Variants in TBC1D23 observed in about 807,000 individuals in gnomAD.
TBC1D23 encodes the protein TBC1 domain family member 23.
A neutral mutation model predicts 91.4 loss-of-function variants in TBC1D23; 55 were observed. That is an observed-to-expected ratio of 0.60 (90% confidence interval 0.48 to 0.75). The LOEUF (loss-of-function observed/expected upper bound fraction) is 0.75, where lower values mean the gene tolerates loss of function less well. Among genes scored for constraint, TBC1D23 ranks in the 30% least tolerant of loss-of-function variants. The probability of loss-of-function intolerance (pLI) is 0.00; values close to 1 mark genes in which losing one functional copy is unlikely to be tolerated. For missense variants in TBC1D23, 725 were observed against 836.1 expected (o/e 0.87, Z 1.64); for synonymous variants, 289 against 281.0 (o/e 1.03, Z -0.28).
Position 100,298,029 on chromosome 3 carries a change from C to T in TBC1D23, c.983C>T (p.Ala328Val), listed in dbSNP as rs372446939. The change falls in exon 9 of 19, where the codon GCG (alanine) becomes GTG (valine). Residue 328 changes from alanine (A) to valine (V), a missense_variant. Physicochemically the swap from Ala to Val is moderately conservative, Grantham distance 64. Coordinates refer to ENST00000394144, the MANE Select transcript of TBC1D23 (RefSeq NM_001199198.3). Reference sequence around the variant, plus strand: ...ATCTCCGTGTCAGAGATCCTTCAAGCGAATCAGCTACAAGGGGTAAGTAAA... The same window carrying T: ...ATCTCCGTGTCAGAGATCCTTCAAGTGAATCAGCTACAAGGGGTAAGTAAA... The part of the protein sequence containing the change: ...LAISVSEILQ[A>V]NQLQGEGVRF... 2.0e-5 allele frequency: 33 copies of T among 1,612,992 alleles called. No individual in the cohort carries two copies. The highest frequency in any genetic ancestry group is 3.3e-5 in the South Asian group (3 of 90,950).
chr3:100,290,464 C>A, intron 4 of TBC1D23, 114 bp from the exon 5 acceptor site: 1 of 904,270 alleles, frequency 1.1e-6, no homozygotes, highest in Non-Finnish European at 1.7e-6. Flanking sequence ...CTGCCTGCTA[C>A]TGTCAGGTAG....
rs369011447 is a variant in TBC1D23, at chr3:100,312,381, A to G, written c.1598+504A>G. On this transcript the variant is annotated intron_variant, in intron 15 of 18. Transcript: ENST00000394144. ...ATGTATGTATATAGGTTGAGTTAGC[A>G]TATATAAATCTCTTCCAAGAAACTA... is the stretch of plus-strand genomic sequence containing the variant. Among the ~76,000 whole-genome samples, 35 of 152,314 alleles carry G rather than the reference A, an allele frequency of 2.3e-4. No homozygotes were observed. The South Asian group carries it at 5.2e-3, about 23-fold the overall frequency.
intron 1 of TBC1D23, among the ~76,000 whole-genome samples, chr3:100,272,661 G>A (rs1271571445): frequency 6.6e-6 from 1 of 152,208 alleles, no homozygotes; most frequent in African/African-American, 2.4e-5. Flanking sequence ...AGTTCCCTTA[G>A]TATTTATTGA....
chr3:100,304,124 A>G (rs1475138808), intron 11 of TBC1D23, among the ~76,000 whole-genome samples: 1 of 152,094 alleles, frequency 6.6e-6, no homozygotes, highest in Non-Finnish European at 1.5e-5. Flanking sequence ...GTTCCTTTTT[A>G]AAATTTTTTC....
intron 9 of TBC1D23, 118 bp downstream of exon 9, chr3:100,298,163 G>A: frequency 1.2e-6 from 1 of 825,058 alleles, no homozygotes; most frequent in Non-Finnish European, 1.8e-6. Flanking sequence ...TGGCTCTTTT[G>A]GCTTTTTGAA....
At chr3:100,291,664 AAGT>A (rs1318984948) in intron 5 of TBC1D23, among the ~76,000 whole-genome samples, 3 of 151,906 alleles carry the variant, frequency 2.0e-5, no homozygotes, top group African/African-American at 7.2e-5. Flanking sequence ...ATGTTGATAT[AAGT>A]AGCCTATTTT....
intron 3 of TBC1D23, among the ~76,000 whole-genome samples, chr3:100,282,453 A>T (rs1188578255): frequency 6.6e-6 from 1 of 152,200 alleles, no homozygotes; most frequent in Non-Finnish European, 1.5e-5. Flanking sequence ...GCAGCCCTCA[A>T]AGGGGAGCTT....
rs1299963257 is a variant in TBC1D23 at position 100,305,534 on chromosome 3, G to GATCAA, written c.1306+657_1306+661dup. Among the ~76,000 whole-genome samples the GATCAA allele has an allele frequency of 9.2e-5, 14 of 152,228 alleles. No individual in the cohort carries two copies. In the East Asian group the frequency reaches 1.7e-3, roughly 19 times the overall value. On this transcript the variant is annotated intron_variant, in intron 12 of 18. Transcript: ENST00000394144. ...GCTGTAAATGCTGGGGAAAATTAAT[G>GATCAA]ATCAAATCAAATCAATATGTAAGAA...
Position 100,261,059 on chromosome 3 carries a change from G to C in TBC1D23, c.41G>C (p.Ser14Thr), listed in dbSNP as rs2067505679. The change falls in exon 1 of 19, where the codon AGC becomes ACC. Residue 14 changes from serine to threonine, a missense_variant. Transcript: ENST00000394144. ...GATGTGCCGCCGCTGCCAACGTCGA[G>C]CGGCGACGGCTGGTGAGTGAAAGCC... ...GEDVPPLPTS[S>T]GDGWEKDLEE... 1 of 1,613,990 alleles carries C rather than the reference G, an allele frequency of 6.2e-7. No individual in the cohort carries two copies. The highest frequency in any genetic ancestry group is 1.7e-4 in the Middle Eastern group (1 of 6,056).
intron 10 of TBC1D23, among the ~76,000 whole-genome samples, chr3:100,301,078 T>C (rs968438601): frequency 3.3e-5 from 5 of 152,210 alleles, no homozygotes; most frequent in East Asian, 1.9e-4. Flanking sequence ...TGTGAACTTA[T>C]GCAAATATTT....
intron 4 of TBC1D23, among the ~76,000 whole-genome samples, chr3:100,288,735 T>C (rs2067764762): frequency 1.3e-5 from 2 of 152,214 alleles, no homozygotes; most frequent in South Asian, 4.1e-4. Context: ...TAGTAGAATG[T>C]ATCTCAGTAC....
chr3:100,296,398 T>C lies in TBC1D23; in HGVS notation c.876+123T>C. ...TTCTGTTTCTTTATGTGTTGTAGTTTTGTGTGATTTTTTTTTTTCATCTCT... is the reference window on the plus strand; with the variant it reads ...TTCTGTTTCTTTATGTGTTGTAGTTCTGTGTGATTTTTTTTTTTCATCTCT... On this transcript the variant is annotated intron_variant, in intron 8 of 18. Transcript: ENST00000394144. 5 of 580,782 alleles carry C rather than the reference T, an allele frequency of 8.6e-6. 1 individual carries two copies. Among genetic ancestry groups the C allele is most frequent in the South Asian group, 8.4e-5 (3 of 35,888 alleles). 36.0% of individuals were successfully genotyped at this position (580,782 alleles called of 1,614,324 possible). A position where few individuals can be genotyped will look rare whatever the true frequency, so the allele number is the denominator to read the frequency against.
chr3:100,320,467 C>T (rs781203395), intron 17 of TBC1D23, among the ~76,000 whole-genome samples: 5 of 151,906 alleles, frequency 3.3e-5, no homozygotes, highest in Non-Finnish European at 4.4e-5. Context: ...AAATCTGAAA[C>T]GTAATATACT....
At chr3:100,297,326 A>T (rs569323330) in intron 8 of TBC1D23, among the ~76,000 whole-genome samples, 3 of 152,338 alleles carry the variant, frequency 2.0e-5, no homozygotes, top group African/African-American at 7.2e-5. Flanking sequence ...CTCAAAAATA[A>T]CTAATTTAAA....
intron 1 of TBC1D23, among the ~76,000 whole-genome samples, chr3:100,277,293 C>G (rs571650797): frequency 6.6e-5 from 10 of 152,322 alleles, no homozygotes; most frequent in African/African-American, 1.9e-4. Context: ...GGTCTATTAA[C>G]TGTACCTTTG....
intron 10 of TBC1D23, among the ~76,000 whole-genome samples, chr3:100,300,533 A>C (rs1225655528): frequency 1.6e-5 from 2 of 126,648 alleles, no homozygotes; most frequent in Middle Eastern, 5.0e-3. Flanking sequence ...CAGAGTTTCT[A>C]CTCTGCCACT....
At position 100,316,179 on chromosome 3, in the gene TBC1D23, A is replaced by G. The variant is rs1294288393; in HGVS notation, c.1679A>G (p.Tyr560Cys). 1.2e-6 allele frequency: 2 copies of G among 1,612,716 alleles called. No individual in the cohort carries two copies. The change falls in exon 16 of 19, where the codon TAC becomes TGC. Residue 560 changes from tyrosine (Y) to cysteine (C), a missense_variant. By Grantham distance (194) the Tyr-to-Cys change is radical (BLOSUM62 -2). Transcript: ENST00000394144. ...PVFSIGDEEE[Y>C]DTDEIDSSSM... ...TTCAGCATTGGGGATGAAGAAGAAT[A>G]CGACACAGGTGTAGTAATACACTTA...
intron 4 of TBC1D23, among the ~76,000 whole-genome samples, chr3:100,288,200 C>G (rs1483750337): frequency 6.6e-6 from 1 of 151,192 alleles, no homozygotes; most frequent in Non-Finnish European, 1.5e-5. Context: ...GAGCCATGAT[C>G]CTGCCACTAC....
intron 8 of TBC1D23, among the ~76,000 whole-genome samples, chr3:100,296,497 ATTG>A (rs1207770153): frequency 6.6e-6 from 1 of 151,916 alleles, no homozygotes; most frequent in Non-Finnish European, 1.5e-5. Context: ...TCTTCTGATT[ATTG>A]TTATTTCTGA....
Sources: allele counts gnomAD v4.1 joint callset (sites outside exome capture counted in the v4.1 genomes callset), GRCh38; gene constraint gnomAD v4.1.1; transcripts MANE v1.5; gene names NCBI Gene and HGNC (gene_info 2026-07-23, HGNC 2026-07-21).